SULT1A1: variants seen among roughly 807,000 people sequenced by gnomAD.
SULT1A1 encodes sulfotransferase 1A1.
Under a neutral mutation model 36.8 loss-of-function variants are expected in SULT1A1, and 35 were observed. The ratio of observed to expected loss-of-function variants is 0.95; its 90% CI spans 0.73 to 1.26. SULT1A1 has a LOEUF of 1.26. Among genes scored for constraint, SULT1A1 ranks in the 50% most tolerant of loss-of-function variants. The pLI is 0.00. For missense variants in SULT1A1, 309 were observed against 383.0 expected (o/e 0.81, Z 1.61); for synonymous variants, 119 against 146.0 (o/e 0.82, Z 1.33).
rs776878194 is a variant in SULT1A1 at position 28,620,119 on chromosome 16, G to A, written c.82C>T (p.Gln28Ter). 1.6e-5 allele frequency: 26 copies of A among 1,612,836 alleles called. No homozygotes were observed. In the South Asian group the frequency reaches 2.7e-4, roughly 17 times the overall value. The change falls in exon 2 of 6, where the codon CAG (glutamine) becomes TAG (stop). Residue 28 changes from glutamine to a stop codon, truncating the protein, a stop_gained. Transcript: ENST00000350842. LOFTEE classifies it high-confidence loss of function. The stretch of plus-strand genomic sequence containing the variant: ...TCCAAAAATATGTCATCCTTTCCCT[G>A]GAGAATGCTCATACCTATTTGCAAA...
At chr16:28,623,155 T>G in exon 1 of SULT1A1, 1 of 1,349,534 alleles carries the variant, frequency 7.4e-7, no homozygotes, top group Non-Finnish European at 9.8e-7. Context: ...GAGACCGCGA[T>G]GGGCGCACCG....
intron 5 of SULT1A1, 25 bp from the exon 6 acceptor site, chr16:28,606,880 A>T: frequency 6.2e-7 from 1 of 1,612,444 alleles, no homozygotes; most frequent in African/African-American, 1.3e-5. Flanking sequence ...AAGGGGTGCC[A>T]ACACAGGGTT....
chr16:28,609,601 C>A (rs2047369260), intron 1 of SULT1A1: 5 of 411,064 alleles, frequency 1.2e-5, no homozygotes, highest in South Asian at 1.1e-4. Context: ...TAAAAAAATT[C>A]TTAAACATTA....
chr16:28,609,757 G>A (rs1242325663), intron 1 of SULT1A1, 174 bp downstream of exon 1: 3 of 803,182 alleles, frequency 3.7e-6, no homozygotes, highest in East Asian at 6.5e-5. Flanking sequence ...GCCTCCCCGG[G>A]GAAAAAAACA....
chr16:28,619,676 T>C (rs1248983803), intron 2 of SULT1A1, among the ~76,000 whole-genome samples: 1 of 151,588 alleles, frequency 6.6e-6, no homozygotes, highest in Non-Finnish European at 1.5e-5. Context: ...GCCATGACCA[T>C]GCCACTGCAT....
Position 28,607,092 on chromosome 16 carries a change from G to C in SULT1A1, c.373-15C>G, listed in dbSNP as rs759163694. The C allele has an allele frequency of 3.1e-6, 5 of 1,611,720 alleles. No homozygotes were observed. The Admixed American group carries it at 5.0e-5, about 16-fold the overall frequency. On this transcript the variant is annotated splice_polypyrimidine_tract_variant and intron_variant, in intron 4 of 7. Transcript: ENST00000314752. ...ACATAGACCACCTGCAGGGGCAGAAGACTCAACCCCAGCACCATCACCACA... is the reference window on the plus strand; with the variant it reads ...ACATAGACCACCTGCAGGGGCAGAACACTCAACCCCAGCACCATCACCACA...
At chr16:28,607,315 A>C (rs3020804) in intron 4 of SULT1A1, 3 of 677,302 alleles carry the variant, frequency 4.4e-6, no homozygotes, top group Non-Finnish European at 7.0e-6. Context: ...GTCACACCCC[A>C]ATCTGGAGCA....
Position 28,605,610 on chromosome 16 carries a change from ATTT to A in SULT1A1, c.*208_*210del. On this transcript the variant is annotated 3_prime_UTR_variant, in exon 8 of 8. Transcript: ENST00000314752. ...TATTCTCTTTTTAAAAATTGGTTTT[ATTT>A]TATTTTATTTTTTTAACAGAATCTC... The A allele has an allele frequency of 1.2e-6, 1 of 839,670 alleles. No homozygotes were observed. Among genetic ancestry groups the A allele is most frequent in the South Asian group, 1.8e-5 (1 of 54,854 alleles). 52.0% of individuals were successfully genotyped at this position (839,670 alleles called of 1,614,324 possible).
At chr16:28,608,635 G>A (rs1352983789) in intron 2 of SULT1A1, 32 bp from the exon 3 acceptor site, 28 of 1,611,368 alleles carry the variant, frequency 1.7e-5, no homozygotes, top group Non-Finnish European at 2.4e-5. Context: ...AGGTGAGCAG[G>A]CTGAGGGCAC....
At chr16:28,619,856 A>C (rs2047616023) in intron 2 of SULT1A1, among the ~76,000 whole-genome samples, 1 of 151,746 alleles carries the variant, frequency 6.6e-6, no homozygotes, top group Admixed American at 6.6e-5. Context: ...TATATGTGTC[A>C]ATTAAAACAT....
At chr16:28,607,135 G>A in intron 4 of SULT1A1, 58 bp from the exon 5 acceptor site, 1 of 1,601,610 alleles carries the variant, frequency 6.2e-7, no homozygotes, top group Non-Finnish European at 8.5e-7. Flanking sequence ...TCCCAGGCCA[G>A]CTCATCTCTT....
chr16:28,610,821 C>T (rs1368612719), upstream of SULT1A1: 1 of 152,534 alleles, frequency 6.6e-6, no homozygotes, highest in Admixed American at 6.6e-5. Flanking sequence ...AGGGGGGCAT[C>T]CCCCCATCCT....
At chr16:28,622,423 T>C (rs904722222) in intron 1 of SULT1A1, among the ~76,000 whole-genome samples, 1 of 152,126 alleles carries the variant, frequency 6.6e-6, no homozygotes, top group African/African-American at 2.4e-5. Context: ...GGTCGGATTT[T>C]CTAAGGAGAG....
intron 1 of SULT1A1, among the ~76,000 whole-genome samples, chr16:28,622,838 T>G (rs2047682373): frequency 6.6e-6 from 1 of 151,916 alleles, no homozygotes; most frequent in Non-Finnish European, 1.5e-5. Flanking sequence ...AACCCCAGAG[T>G]CTGAGCCCCG....
chr16:28,620,924 A>G (rs1346080697), intron 1 of SULT1A1, among the ~76,000 whole-genome samples: 1 of 152,056 alleles, frequency 6.6e-6, no homozygotes, highest in African/African-American at 2.4e-5. Context: ...CAGCCTGACC[A>G]ACACGGAGAA....
At chr16:28,621,065 G>A (rs978442231) in intron 1 of SULT1A1, among the ~76,000 whole-genome samples, 8 of 151,758 alleles carry the variant, frequency 5.3e-5, no homozygotes, top group African/African-American at 1.7e-4. Flanking sequence ...AGCTGAGATC[G>A]GGCCAATGCA....
chr16:28,610,320 C>T (rs1281311355), upstream of SULT1A1: 2 of 852,916 alleles, frequency 2.3e-6, no homozygotes, highest in Non-Finnish European at 1.6e-6. Context: ...CTGACCTGCC[C>T]CTGAACTCCA....
rs2047210806 is a variant in SULT1A1 at position 28,606,773 on chromosome 16, T to G, written c.582A>C (p.Glu194Asp). The change falls in exon 6 of 8, where the codon GAA becomes GAC. Residue 194 changes from glutamate (E) to aspartate (D), a missense_variant. Coordinates refer to ENST00000314752, the MANE Select transcript of SULT1A1 (RefSeq NM_001055.4). The stretch of plus-strand genomic sequence containing the variant: ...CACGTGGTCTCACCTCCTTCATGTC[T>G]TCATAGAAGAGGTAGAGAACAGGGT... ...RTHPVLYLFY[E>D]DMKENPKREI... 4 of 1,612,352 alleles carry G rather than the reference T, an allele frequency of 2.5e-6. No individual in the cohort carries two copies. In the Admixed American group the frequency reaches 6.7e-5, roughly 27 times the overall value.
rs749392365 is a variant in SULT1A1 at position 28,623,116 on chromosome 16, C to A, written c.67+15G>T. 15 of 1,541,106 alleles carry A rather than the reference C, an allele frequency of 9.7e-6. No individual in the cohort carries two copies. In the South Asian group the frequency reaches 1.4e-4, roughly 15 times the overall value. On this transcript the variant is annotated intron_variant, in intron 1 of 5. Transcript: ENST00000350842. ...TACTGGTCCCACCCCCCAGGTTCCC[C>A]CCCCGGCCCCTCACCGGCGTAGAAG...
Sources: allele counts gnomAD v4.1 joint callset (sites outside exome capture counted in the v4.1 genomes callset), GRCh38; gene constraint gnomAD v4.1.1; transcripts MANE v1.5; gene names NCBI Gene and HGNC (gene_info 2026-07-23, HGNC 2026-07-21).